The following AK7 variants were observed in gnomAD, a reference collection of about 807,000 sequenced individuals.
AK7 encodes ATP-AMP transphosphorylase 7.
AK7 carries 78 observed loss-of-function variants against 96.6 expected under a neutral mutation model. The ratio of observed to expected loss-of-function variants is 0.81; its 90% CI spans 0.67 to 0.97. AK7 has a LOEUF of 0.97. Among genes scored for constraint, AK7 ranks in the 50% least tolerant of loss-of-function variants. The pLI is 0.00. For synonymous variants in AK7, 302 were observed against 317.2 expected (o/e 0.95, Z 0.51); for missense variants, 855 against 887.9 (o/e 0.96, Z 0.47).
chr14:96,425,588 C>T (rs117849873), intron 5 of AK7, among the ~76,000 whole-genome samples: 12,848 of 146,842 alleles, frequency 0.087, 629 homozygotes, highest in Middle Eastern at 0.13. Flanking sequence ...GTTCAAATGA[C>T]TCTCCTGCCT....
chr14:96,398,254 G>C lies in AK7; in HGVS notation c.285G>C (p.Glu95Asp), dbSNP rs376030667. 15 of 1,612,820 alleles carry C rather than the reference G, an allele frequency of 9.3e-6. No individual in the cohort carries two copies. In the African/African-American group the frequency reaches 1.1e-4, roughly 11 times the overall value. The change falls in exon 2 of 18, where the codon GAG (glutamate) becomes GAC (aspartate). Residue 95 changes from glutamate to aspartate, a missense_variant. Physicochemically the swap from Glu to Asp is conservative, Grantham distance 45. Transcript: ENST00000267584. The part of the protein sequence containing the change: ...PDSPRPDFAV[E>D]TYSAISREDL... ...GCCCGCGGCCTGACTTTGCGGTGGA[G>C]ACGTACTCTGTAAGTCCCGGAGGCT...
intron 16 of AK7, 98 bp from the exon 17 acceptor site, chr14:96,486,800 A>G (rs1432226932): frequency 2.7e-6 from 3 of 1,103,372 alleles, no homozygotes; most frequent in East Asian, 2.4e-5. Flanking sequence ...GATGGTGACC[A>G]TTTCTAGCAG....
intron 4 of AK7, among the ~76,000 whole-genome samples, chr14:96,414,757 CTT>C (rs10694621): frequency 0.095 from 9,482 of 99,898 alleles, 378 homozygotes; most frequent in Middle Eastern, 0.15. Flanking sequence ...AGGATTCCTT[CTT>C]TTTTTTTTTT....
At chr14:96,472,483 A>G (rs1398558131) in intron 13 of AK7, among the ~76,000 whole-genome samples, 2 of 152,290 alleles carry the variant, frequency 1.3e-5, no homozygotes, top group Non-Finnish European at 1.5e-5. Flanking sequence ...GCTGAATAGT[A>G]TTCTGTTGGA....
At chr14:96,447,142 T>C (rs1346229875) in intron 8 of AK7, among the ~76,000 whole-genome samples, 1 of 152,142 alleles carries the variant, frequency 6.6e-6, no homozygotes, top group African/African-American at 2.4e-5. Flanking sequence ...GAAAGACTGC[T>C]GTAGGGCTCA....
chr14:96,392,293 A>C lies in AK7; in HGVS notation c.105+34A>C. 2.6e-6 allele frequency: 4 copies of C among 1,559,752 alleles called. 1 individual carries two copies. Among genetic ancestry groups the C allele is most frequent in the Middle Eastern group, 3.4e-4 (2 of 5,932 alleles). The stretch of plus-strand genomic sequence containing the variant: ...CGGCGGCGGCCCAGAGCCTCACGCC[A>C]GCTCTCAGCTCCCAGCCCTCGGCCC... On this transcript the variant is annotated intron_variant, in intron 1 of 17. Coordinates refer to ENST00000267584, the MANE Select transcript of AK7 (RefSeq NM_152327.5).
chr14:96,459,609 C>T (rs1438189633), intron 12 of AK7, among the ~76,000 whole-genome samples: 1 of 151,390 alleles, frequency 6.6e-6, no homozygotes, highest in Non-Finnish European at 1.5e-5. Context: ...TCTGTAATCC[C>T]TTTGTAATCC....
chr14:96,426,137 TG>T (rs1892016199), intron 5 of AK7, among the ~76,000 whole-genome samples: 1 of 152,180 alleles, frequency 6.6e-6, no homozygotes, highest in South Asian at 2.1e-4. Context: ...TTTTCTCTGG[TG>T]ATATGATTTA....
intron 9 of AK7, among the ~76,000 whole-genome samples, chr14:96,450,734 G>A (rs1419646240): frequency 6.6e-6 from 1 of 151,380 alleles, no homozygotes; most frequent in Non-Finnish European, 1.5e-5. Flanking sequence ...GAACTGGGTG[G>A]GTGATGGTCA....
chr14:96,422,390 C>T (rs776417112), intron 5 of AK7, among the ~76,000 whole-genome samples: 32 of 152,198 alleles, frequency 2.1e-4, no homozygotes, highest in Non-Finnish European at 4.4e-4. Context: ...TGAAGCTAGA[C>T]AACTGGTTAG....
In AK7 at chr14:96,473,039, G is replaced by A. The variant is rs565910721; in HGVS notation, c.1555+284G>A. ...AGAGATTGCAGTGAGCCGAGATCCT[G>A]CCACTGCACTCCAGCCTGGGCGACA... On this transcript the variant is annotated intron_variant, in intron 14 of 17. Coordinates refer to ENST00000267584, the MANE Select transcript of AK7 (RefSeq NM_152327.5). 2.0e-5 allele frequency among the ~76,000 whole-genome samples: 3 copies of A among 152,170 alleles called. No individual in the cohort carries two copies. The East Asian group carries it at 5.8e-4, about 30-fold the overall frequency.
chr14:96,393,981 C>T (rs1162188969), intron 1 of AK7, among the ~76,000 whole-genome samples: 2 of 152,010 alleles, frequency 1.3e-5, no homozygotes, highest in Admixed American at 6.6e-5. Flanking sequence ...TGGTGGCAGG[C>T]GCCTATAATC....
At chr14:96,407,654 T>A (rs980189264) in intron 3 of AK7, among the ~76,000 whole-genome samples, 1 of 146,668 alleles carries the variant, frequency 6.8e-6, no homozygotes, top group Non-Finnish European at 1.5e-5. Context: ...CAATCTCGGC[T>A]CACTGCAAGC....
At chr14:96,472,620 A>T in intron 13 of AK7, 67 bp from the exon 14 acceptor site, 4 of 1,310,832 alleles carry the variant, frequency 3.1e-6, no homozygotes, top group Non-Finnish European at 4.3e-6. Context: ...GATATTTGGA[A>T]TTTTTTGCTG....
chr14:96,392,297 C>T (rs1347556279), intron 1 of AK7, 38 bp downstream of exon 1: 5 of 1,555,764 alleles, frequency 3.2e-6, no homozygotes, highest in African/African-American at 2.7e-5. Context: ...CACGCCAGCT[C>T]TCAGCTCCCA....
chr14:96,446,029 G>A (rs1006006446), intron 7 of AK7, among the ~76,000 whole-genome samples: 2 of 152,352 alleles, frequency 1.3e-5, no homozygotes, highest in Non-Finnish European at 2.9e-5. Context: ...TAGGAAAGCA[G>A]GCTCAGGCAC....
intron 5 of AK7, among the ~76,000 whole-genome samples, chr14:96,434,911 C>G (rs1328656605): frequency 6.6e-6 from 1 of 152,184 alleles, no homozygotes; most frequent in Non-Finnish European, 1.5e-5. Flanking sequence ...TGCTGATGTT[C>G]CCTTAGGGTC....
intron 12 of AK7, among the ~76,000 whole-genome samples, chr14:96,470,481 T>C (rs528642073): frequency 1.3e-5 from 2 of 152,234 alleles, no homozygotes; most frequent in South Asian, 4.1e-4. Flanking sequence ...GTGATGGATA[T>C]TGTGGTGGAG....
At chr14:96,478,700 A>G in intron 15 of AK7, 38 bp downstream of exon 15, 23 of 1,599,064 alleles carry the variant, frequency 1.4e-5, no homozygotes, top group Non-Finnish European at 1.9e-5. Flanking sequence ...AATGTCCAGG[A>G]CCCCCAGCAA....
Sources: gnomAD v4.1 joint callset for allele counts (sites outside exome capture counted in the v4.1 genomes callset) on GRCh38, gnomAD v4.1.1 for gene constraint, MANE v1.5 for transcripts, NCBI Gene and HGNC (gene_info 2026-07-23, HGNC 2026-07-21) for gene names.